The following SKOR2 variants were observed in gnomAD, a reference collection of about 807,000 sequenced individuals.
SKOR2 encodes the protein LBX1 corepressor 1-like protein.
Under a neutral mutation model 69.1 loss-of-function variants are expected in SKOR2, and 47 were observed. The observed-to-expected ratio is 0.68, with a 90% CI of 0.54 to 0.87. The LOEUF is 0.87. Ranked by LOEUF, SKOR2 falls within the 40% of genes least tolerant of loss-of-function variation. SKOR2 has a pLI of 0.00. For synonymous variants in SKOR2, 717 were observed against 672.6 expected, an observed-to-expected ratio of 1.07 and a Z score of -1.02; for missense variants, 1,404 against 1,472.2, an observed-to-expected ratio of 0.95 and a Z score of 0.76.
At chr18:47,237,743 G>A (rs924166367) in intron 4 of SKOR2, among the ~76,000 whole-genome samples, 2 of 149,844 alleles carry the variant, frequency 1.3e-5, no homozygotes, top group African/African-American at 4.9e-5. Flanking sequence ...TGTTGCCCAG[G>A]CTGGAGTGCA....
At chr18:47,242,509 T>C (rs1881050218) in intron 4 of SKOR2, among the ~76,000 whole-genome samples, 1 of 152,148 alleles carries the variant, frequency 6.6e-6, no homozygotes, top group African/African-American at 2.4e-5. Context: ...AGAAAATATT[T>C]TAAACATTAA....
chr18:47,248,553 G>C lies in SKOR2; in HGVS notation c.631C>G (p.Arg211Gly). 6.5e-7 allele frequency: 1 copy of C among 1,537,586 alleles called. No individual in the cohort carries two copies. Among genetic ancestry groups the C allele is most frequent in the Non-Finnish European group, 8.7e-7 (1 of 1,147,000 alleles). Residue 211 changes from arginine (R) to glycine (G), a missense_variant, in exon 2 of 9, where the codon CGT becomes GGT. Arg to Gly is a moderately radical substitution (Grantham distance 125, BLOSUM62 -2). This residue lies in a region of SKOR2 where 1,266 missense variants were observed against 1,309.9 expected (regional missense o/e 0.97). Transcript: ENST00000425639. The surrounding 1 kb of genome is among the most constrained non-coding windows in gnomAD (Gnocchi z 6.4). ...CTCTTGTCGGTGAGCTTGAGATGACGGCGCCACGAGTTGAAGTTGGCTGCG... is the reference window on the plus strand; with the variant it reads ...CTCTTGTCGGTGAGCTTGAGATGACCGCGCCACGAGTTGAAGTTGGCTGCG... ...PDAANFNSWRRHLKLTDKSPQ... is the reference protein window; with the variant it reads ...PDAANFNSWRGHLKLTDKSPQ...
chr18:47,248,001 G>A lies in SKOR2; in HGVS notation c.1183C>T (p.Leu395=). The change falls in exon 2 of 9, where the codon CTG becomes TTG. Residue 395 remains leucine, a synonymous_variant. Transcript: ENST00000425639. This position sits in a 1 kb window ranked among gnomAD's most constrained non-coding sequence, Gnocchi z 6.4. ...VPSKGSFGGV[L]QKFPGCGGLF... ...CCGCCGCAGCCCGGGAACTTCTGCA[G>A]GACGCCCCCGAACGAGCCCTTGCTG... 1 of 1,428,960 alleles carries A rather than the reference G, an allele frequency of 7.0e-7. No individual in the cohort carries two copies. Among genetic ancestry groups the A allele is most frequent in the Non-Finnish European group, 9.1e-7 (1 of 1,093,112 alleles). The allele number at this position is 1,428,960 out of a possible 1,614,324, so 88.5% of individuals were successfully genotyped here.
chr18:47,246,548 A>G, intron 2 of SKOR2, 23 bp downstream of exon 2: 2 of 1,491,144 alleles, frequency 1.3e-6, no homozygotes, highest in East Asian at 2.7e-5. Flanking sequence ...ATTAGCTTGA[A>G]GGAGCCTAAA....
intron 4 of SKOR2, among the ~76,000 whole-genome samples, chr18:47,240,603 A>T (rs1234397385): frequency 1.3e-5 from 2 of 152,106 alleles, no homozygotes; most frequent in Non-Finnish European, 2.9e-5. Flanking sequence ...GGGAGGTTTT[A>T]AAAAAATCAT....
chr18:47,208,606 T>G (rs1347153564), intron 8 of SKOR2, among the ~76,000 whole-genome samples: 1 of 152,218 alleles, frequency 6.6e-6, no homozygotes, highest in African/African-American at 2.4e-5. Context: ...AGTGTTAACA[T>G]CATACTATTT....
intron 6 of SKOR2, among the ~76,000 whole-genome samples, chr18:47,222,043 G>A (rs551108609): frequency 6.6e-6 from 1 of 152,176 alleles, no homozygotes; most frequent in Admixed American, 6.5e-5. Context: ...ATGACAGGCC[G>A]AGTGTGGTGG....
chr18:47,215,573 A>G (rs2064141541), intron 7 of SKOR2, among the ~76,000 whole-genome samples: 2 of 152,160 alleles, frequency 1.3e-5, no homozygotes, highest in Non-Finnish European at 2.9e-5. Flanking sequence ...CTGCACTCCC[A>G]TCATCAGGAA....
At chr18:47,231,356 A>G (rs1181148677) in intron 4 of SKOR2, among the ~76,000 whole-genome samples, 2 of 152,136 alleles carry the variant, frequency 1.3e-5, no homozygotes, top group African/African-American at 2.4e-5. Flanking sequence ...TAGAAATCTG[A>G]TTGGAGTCCC....
chr18:47,229,349 A>G (rs1306848813), intron 6 of SKOR2, among the ~76,000 whole-genome samples: 1 of 152,130 alleles, frequency 6.6e-6, no homozygotes, highest in Non-Finnish European at 1.5e-5. Flanking sequence ...TTAAATATAT[A>G]TAATTAGAAA....
intron 4 of SKOR2, among the ~76,000 whole-genome samples, chr18:47,236,087 T>C (rs1474842713): frequency 1.3e-5 from 2 of 152,148 alleles, no homozygotes; most frequent in African/African-American, 2.4e-5. Flanking sequence ...TGGGCTCAGG[T>C]AATCCTCTCA....
chr18:47,214,339 A>G (rs1408279777), intron 7 of SKOR2, among the ~76,000 whole-genome samples: 9 of 152,334 alleles, frequency 5.9e-5, no homozygotes, highest in Non-Finnish European at 1.2e-4. Flanking sequence ...TCAAGAAAAA[A>G]AGGACATTTC....
In SKOR2 at chr18:47,206,347, A is replaced by G. The variant is rs1186562274; in HGVS notation, c.*549T>C. 8 of 152,166 alleles carry G rather than the reference A, an allele frequency of 5.3e-5. No individual in the cohort carries two copies. The highest frequency in any genetic ancestry group is 5.2e-4 in the Admixed American group (8 of 15,270). 9.4% of individuals were successfully genotyped at this position (152,166 alleles called of 1,614,324 possible). ...TTCATACAGCAGGCAAAGTACAGAG[A>G]GGAAGGGGCCACATGTAAGTCTGTC... On this transcript the variant is annotated 3_prime_UTR_variant, in exon 9 of 9. Transcript: ENST00000425639.
chr18:47,209,253 T>C (rs1787279118), intron 8 of SKOR2, among the ~76,000 whole-genome samples: 1 of 152,152 alleles, frequency 6.6e-6, no homozygotes, highest in Non-Finnish European at 1.5e-5. Flanking sequence ...AATAGTCATA[T>C]TGGAATCCAC....
Position 47,248,242 on chromosome 18 carries a change from G to C in SKOR2, c.942C>G (p.Asp314Glu). ...AHHKRPRFDDDDDSLQEAAVV... is the reference protein window; with the variant it reads ...AHHKRPRFDDEDDSLQEAAVV... ...CGGCGGCCTCCTGCAAGGAGTCGTC[G>C]TCGTCGTCGAAGCGCGGCCGCTTGT... The change falls in exon 2 of 9, where the codon GAC (aspartate) becomes GAG (glutamate). Residue 314 changes from aspartate (D) to glutamate (E), a missense_variant. Coordinates refer to ENST00000425639, the MANE Select transcript of SKOR2 (RefSeq NM_001278063.4). This position sits in a 1 kb window ranked among gnomAD's most constrained non-coding sequence, Gnocchi z 6.4. 8.2e-7 allele frequency: 1 copy of C among 1,224,004 alleles called. No homozygotes were observed. The highest frequency in any genetic ancestry group is 1.0e-6 in the Non-Finnish European group (1 of 984,474). 75.8% of individuals were successfully genotyped at this position (1,224,004 alleles called of 1,614,324 possible).
Position 47,245,599 on chromosome 18 carries a change from G to C in SKOR2, c.2614-38C>G, listed in dbSNP as rs766229838. The C allele has an allele frequency of 6.8e-6, 10 of 1,467,026 alleles. No individual in the cohort carries two copies. In the South Asian group the frequency reaches 1.3e-4, roughly 20 times the overall value. The allele number at this position is 1,467,026 out of a possible 1,614,324, so 90.9% of individuals were successfully genotyped here. A position where few individuals can be genotyped will look rare whatever the true frequency, so the allele number is the denominator to read the frequency against. ...GAATTAGACATACAAATCAATGCCC[G>C]GATCAAACCATATGCTAATGTCAAC... On this transcript the variant is annotated intron_variant, in intron 2 of 8. Coordinates refer to ENST00000425639, the MANE Select transcript of SKOR2 (RefSeq NM_001278063.4).
In SKOR2 at chr18:47,249,159, G is replaced by A; in HGVS notation, c.25C>T (p.Pro9Ser). Residue 9 changes from proline (P) to serine (S), a missense_variant, in exon 2 of 9, where the codon CCC becomes TCC. Physicochemically the swap from Pro to Ser is moderately conservative, Grantham distance 74 (BLOSUM62 -1). Transcript: ENST00000425639. Reference protein sequence around the residue: MASSPLPGPNDILLASPSS... With the variant: MASSPLPGSNDILLASPSS... ...GGCGACGCCAGCAGGATGTCGTTGG[G>A]CCCTGGCAGCGGACTGGAAGCCATC... 2.6e-6 allele frequency: 4 copies of A among 1,535,306 alleles called. No individual in the cohort carries two copies. The highest frequency in any genetic ancestry group is 2.6e-6 in the Non-Finnish European group (3 of 1,146,430).
chr18:47,217,751 G>T (rs923608181), intron 7 of SKOR2, among the ~76,000 whole-genome samples: 1 of 151,154 alleles, frequency 6.6e-6, no homozygotes, highest in African/African-American at 2.4e-5. Flanking sequence ...GAAGAAGCAG[G>T]AGGGACAAAT....
At chr18:47,211,910 C>G (rs1463317693) in intron 8 of SKOR2, among the ~76,000 whole-genome samples, 176 bp downstream of exon 8, 1 of 152,156 alleles carries the variant, frequency 6.6e-6, no homozygotes, top group Non-Finnish European at 1.5e-5. Flanking sequence ...AGTACTTGGT[C>G]ATTCATTTAG....
Sources: gnomAD v4.1 joint callset for allele counts (sites outside exome capture counted in the v4.1 genomes callset) on GRCh38, gnomAD v4.1.1 for gene constraint, gnomAD v4.1.1 regional missense constraint, Gnocchi (gnomAD v3.1) non-coding constraint, MANE v1.5 for transcripts, NCBI Gene and HGNC (gene_info 2026-07-23, HGNC 2026-07-21) for gene names.